The following ZNF385B variants were observed in gnomAD, a reference collection of about 807,000 sequenced individuals.
ZNF385B encodes zinc finger protein 533.
A neutral mutation model predicts 39.2 loss-of-function variants in ZNF385B; 23 were observed. The observed-to-expected ratio is 0.59, with a 90% CI of 0.42 to 0.83. ZNF385B has a LOEUF of 0.83. Ranked by LOEUF, ZNF385B falls within the 40% of genes least tolerant of loss-of-function variation. The probability of loss-of-function intolerance (pLI) is 0.00; values close to 1 mark genes in which losing one functional copy is unlikely to be tolerated. For missense variants in ZNF385B, 552 were observed against 598.9 expected, an observed-to-expected ratio of 0.92 and a Z score of 0.82; for synonymous variants, 205 against 222.6, an observed-to-expected ratio of 0.92 and a Z score of 0.70.
intron 3 of ZNF385B, among the ~76,000 whole-genome samples, chr2:179,623,430 G>C (rs917189972): frequency 2.0e-5 from 3 of 152,162 alleles, no homozygotes; most frequent in Non-Finnish European, 2.9e-5. Flanking sequence ...GCTAAGATGT[G>C]AGTACATGAC....
chr2:179,853,715 G>C (rs1030572200), intron 1 of ZNF385B, among the ~76,000 whole-genome samples: 1 of 152,282 alleles, frequency 6.6e-6, no homozygotes, highest in African/African-American at 2.4e-5. Flanking sequence ...GTATGAGTAT[G>C]GTAGGTGCCA....
At chr2:179,543,569 C>A (rs2060050593) in intron 4 of ZNF385B, among the ~76,000 whole-genome samples, 1 of 152,098 alleles carries the variant, frequency 6.6e-6, no homozygotes, top group South Asian at 2.1e-4. Flanking sequence ...ATGTGGTGTT[C>A]TGGGATGCAG....
At chr2:179,823,698 C>T (rs1707526660) in intron 1 of ZNF385B, among the ~76,000 whole-genome samples, 1 of 152,066 alleles carries the variant, frequency 6.6e-6, no homozygotes, top group Admixed American at 6.6e-5. Flanking sequence ...TTGACAGAGG[C>T]ATTCTTAGAC....
chr2:179,501,136 T>C (rs2056721646), intron 5 of ZNF385B, among the ~76,000 whole-genome samples: 1 of 152,302 alleles, frequency 6.6e-6, no homozygotes, highest in South Asian at 2.1e-4. Context: ...TGTGCACTAT[T>C]GGTGGGAATG....
At chr2:179,546,004 A>G (rs77134853) in intron 3 of ZNF385B, among the ~76,000 whole-genome samples, 6,100 of 151,934 alleles carry the variant, frequency 0.04, 176 homozygotes, top group Non-Finnish European at 0.06. Context: ...CATTCTAACT[A>G]TATTTTTATT....
intron 1 of ZNF385B, among the ~76,000 whole-genome samples, chr2:179,805,741 A>G (rs1020706237): frequency 6.6e-6 from 1 of 152,174 alleles, no homozygotes; most frequent in Non-Finnish European, 1.5e-5. Context: ...ATTCAGTAAG[A>G]CCTATATAAT....
intron 5 of ZNF385B, among the ~76,000 whole-genome samples, chr2:179,506,759 T>A (rs1390571245): frequency 6.6e-6 from 1 of 152,204 alleles, no homozygotes; most frequent in Non-Finnish European, 1.5e-5. Context: ...TTACTAGTCA[T>A]GTAATTTCAC....
At chr2:179,494,345 T>C (rs1246941245) in intron 5 of ZNF385B, among the ~76,000 whole-genome samples, 2 of 152,110 alleles carry the variant, frequency 1.3e-5, no homozygotes, top group Non-Finnish European at 2.9e-5. Context: ...CTTTGGTTGC[T>C]GTATGGAGAA....
chr2:179,452,275 C>G (rs1371774018), intron 6 of ZNF385B, among the ~76,000 whole-genome samples: 2 of 152,056 alleles, frequency 1.3e-5, no homozygotes, highest in African/African-American at 4.8e-5. Flanking sequence ...CTTCATAAGC[C>G]ATGTAAAGAA....
intron 1 of ZNF385B, among the ~76,000 whole-genome samples, chr2:179,801,499 C>G (rs902838392): frequency 6.6e-6 from 1 of 152,064 alleles, no homozygotes; most frequent in Non-Finnish European, 1.5e-5. Context: ...CCAACTCCCT[C>G]CTCTGTGCTA....
chr2:179,826,339 A>C (rs1420675381), intron 1 of ZNF385B, among the ~76,000 whole-genome samples: 1 of 152,182 alleles, frequency 6.6e-6, no homozygotes, highest in Admixed American at 6.5e-5. Flanking sequence ...CAAAGCATGC[A>C]AGAGCTTTGA....
chr2:179,788,465 G>A (rs761955515), intron 1 of ZNF385B, among the ~76,000 whole-genome samples: 2 of 152,150 alleles, frequency 1.3e-5, no homozygotes, highest in African/African-American at 2.4e-5. Flanking sequence ...AGCAATTCCT[G>A]AGGCTCCCTT....
chr2:179,720,624 T>C (rs527961828), intron 3 of ZNF385B, among the ~76,000 whole-genome samples: 1 of 152,138 alleles, frequency 6.6e-6, no homozygotes, highest in South Asian at 2.1e-4. Context: ...GCATATCAAT[T>C]ATCTCTATCA....
intron 3 of ZNF385B, among the ~76,000 whole-genome samples, chr2:179,648,015 T>C (rs1692876879): frequency 6.6e-6 from 1 of 152,090 alleles, no homozygotes; most frequent in Non-Finnish European, 1.5e-5. Flanking sequence ...AAGGTGACTG[T>C]GGCAGAGCAG....
intron 3 of ZNF385B, among the ~76,000 whole-genome samples, chr2:179,706,450 C>T (rs997026399): frequency 2.0e-5 from 3 of 152,064 alleles, no homozygotes; most frequent in African/African-American, 7.2e-5. Context: ...ACAACTAGGG[C>T]ATCAAAGAAA....
At chr2:179,836,237 C>T (rs1226896691) in intron 1 of ZNF385B, among the ~76,000 whole-genome samples, 1 of 152,196 alleles carries the variant, frequency 6.6e-6, no homozygotes, top group African/African-American at 2.4e-5. Context: ...CATTTGTTGT[C>T]TGTCCTCTGA....
intron 6 of ZNF385B, among the ~76,000 whole-genome samples, chr2:179,473,231 A>C (rs770235072): frequency 1.5e-4 from 23 of 152,258 alleles, no homozygotes; most frequent in Middle Eastern, 3.4e-3. Context: ...GGCTCATGAA[A>C]CCTTAATATC....
At chr2:179,466,943 A>AAAAAAAGAGAGAGAG (rs1559276782) in intron 6 of ZNF385B, among the ~76,000 whole-genome samples, 1 of 145,920 alleles carries the variant, frequency 6.9e-6, no homozygotes, top group African/African-American at 2.5e-5. Flanking sequence ...AAAAAAAAAA[A>AAAAAAAGAGAGAGAG]AGAGAGAGAG....
At chr2:179,621,292 AGG>A (rs1558991733) in intron 3 of ZNF385B, among the ~76,000 whole-genome samples, 1 of 152,196 alleles carries the variant, frequency 6.6e-6, no homozygotes, top group Non-Finnish European at 1.5e-5. Flanking sequence ...TAGTACACAA[AGG>A]TATAAGAAAG....
Sources: allele counts gnomAD v4.1 joint callset (sites outside exome capture counted in the v4.1 genomes callset), GRCh38; gene constraint gnomAD v4.1.1; transcripts MANE v1.5; gene names NCBI Gene and HGNC (gene_info 2026-07-23, HGNC 2026-07-21).